The following SGCD variants were observed in gnomAD, a reference collection of about 807,000 sequenced individuals.
SGCD encodes the protein delta-sarcoglycan.
Under a neutral mutation model 36.6 loss-of-function variants are expected in SGCD, and 18 were observed. The observed-to-expected ratio is 0.49, with a 90% CI of 0.34 to 0.73. The LOEUF (loss-of-function observed/expected upper bound fraction) is 0.73, where lower values mean the gene tolerates loss of function less well. Among genes scored for constraint, SGCD ranks in the 30% least tolerant of loss-of-function variants. The probability of loss-of-function intolerance (pLI) is 0.01; values close to 1 mark genes in which losing one functional copy is unlikely to be tolerated. For missense variants in SGCD, 387 were observed against 346.7 expected (o/e 1.12, Z -0.92); for synonymous variants, 133 against 130.6 (o/e 1.02, Z -0.12).
At chr5:155,753,767 C>T in the SGCD span, among the ~76,000 whole-genome samples, 1 of 151,416 alleles carries the variant, frequency 6.6e-6, no homozygotes, top group Non-Finnish European at 1.5e-5. Flanking sequence ...GGATAGGGTT[C>T]CCAGGTGTGC....
At chr5:155,896,816 C>G (rs140063217) in intron 1 of SGCD, among the ~76,000 whole-genome samples, 7 of 152,268 alleles carry the variant, frequency 4.6e-5, no homozygotes, top group African/African-American at 1.4e-4. Flanking sequence ...GGGTCTTTCT[C>G]TCTACACATC....
In SGCD at chr5:155,896,524, T is replaced by C. The variant is rs185205880; in HGVS notation, c.-282+26100T>C. Among the ~76,000 whole-genome samples, 696 of 150,062 alleles carry C rather than the reference T, an allele frequency of 4.6e-3. 2 individuals are homozygous for C. The highest frequency in any genetic ancestry group is 6.4e-3 in the Non-Finnish European group (432 of 67,652). ...AGGCAGCCACGATGATGTGCGCTTA[T>C]AGTTCCAGCTACTTGGGAGGCTGAG... On this transcript the variant is annotated intron_variant, in intron 1 of 9. Transcript: ENST00000517913.
intron 3 of SGCD, among the ~76,000 whole-genome samples, chr5:156,456,068 C>A (rs116653815): frequency 6.6e-6 from 1 of 152,152 alleles, no homozygotes; most frequent in Non-Finnish European, 1.5e-5. Context: ...TTGTTTCGAG[C>A]TACCCAGTTT....
intron 1 of SGCD, among the ~76,000 whole-genome samples, chr5:155,905,650 C>T (rs1447400478): frequency 6.6e-6 from 1 of 152,126 alleles, no homozygotes; most frequent in African/African-American, 2.4e-5. Context: ...TTGTATCTCC[C>T]AGGATTCCCA....
chr5:155,790,149 T>C, the SGCD span, among the ~76,000 whole-genome samples: 1 of 152,102 alleles, frequency 6.6e-6, no homozygotes, highest in East Asian at 1.9e-4. Context: ...CTCATGTTTT[T>C]AGAATTAAGA....
chr5:155,794,869 G>A, the SGCD span, among the ~76,000 whole-genome samples: 2 of 152,032 alleles, frequency 1.3e-5, no homozygotes, highest in Admixed American at 6.6e-5. Flanking sequence ...ATAAAACTTA[G>A]CACATCATAG....
chr5:155,747,597 C>G, the SGCD span, among the ~76,000 whole-genome samples: 41,959 of 152,148 alleles, frequency 0.28, 7,358 homozygotes, highest in East Asian at 0.42. Flanking sequence ...TGCTCAAGAA[C>G]TGCCAGCTAC....
chr5:156,681,557 A>G (rs1753723191), intron 7 of SGCD, among the ~76,000 whole-genome samples: 1 of 152,192 alleles, frequency 6.6e-6, no homozygotes, highest in Admixed American at 6.5e-5. Flanking sequence ...GGTGGAGTTT[A>G]GCTGGGAGAA....
At chr5:156,344,448 G>A (rs200386436) in intron 2 of SGCD, 41 bp from the exon 3 acceptor site, 15 of 1,350,100 alleles carry the variant, frequency 1.1e-5, no homozygotes, top group East Asian at 5.3e-5. Flanking sequence ...TTCTCTCAGC[G>A]GTTTAATGTG....
chr5:156,268,305 T>G (rs1285146817), intron 3 of SGCD, among the ~76,000 whole-genome samples: 1 of 152,218 alleles, frequency 6.6e-6, no homozygotes, highest in Admixed American at 6.5e-5. Context: ...TTTGTGTGCA[T>G]GTGTCTTTAT....
chr5:156,267,208 A>T (rs1285087323), intron 3 of SGCD, among the ~76,000 whole-genome samples: 1 of 152,212 alleles, frequency 6.6e-6, no homozygotes, highest in Admixed American at 6.5e-5. Flanking sequence ...TTAATAAGCG[A>T]TAGTTTCCAC....
At chr5:156,295,510 T>G (rs1456955299) in intron 3 of SGCD, among the ~76,000 whole-genome samples, 1 of 152,184 alleles carries the variant, frequency 6.6e-6, no homozygotes, top group Non-Finnish European at 1.5e-5. Context: ...TGGGTTTCCT[T>G]TATTCTCTTT....
At chr5:155,961,259 CTTATG>C (rs1185251868) in intron 1 of SGCD, among the ~76,000 whole-genome samples, 3 of 152,046 alleles carry the variant, frequency 2.0e-5, no homozygotes, top group Non-Finnish European at 2.9e-5. Flanking sequence ...TACTTTAAAA[CTTATG>C]TTAGTTTTAG....
chr5:156,562,383 G>T (rs1476567350), intron 4 of SGCD, among the ~76,000 whole-genome samples: 1 of 151,940 alleles, frequency 6.6e-6, no homozygotes, highest in Non-Finnish European at 1.5e-5. Context: ...CAAAATGAGG[G>T]TATTTCCTGG....
chr5:156,583,992 T>C (rs1384972452), intron 4 of SGCD, among the ~76,000 whole-genome samples: 1 of 152,112 alleles, frequency 6.6e-6, no homozygotes, highest in Non-Finnish European at 1.5e-5. Context: ...AGAAAATATA[T>C]AGAATGAACT....
At chr5:155,758,173 T>A in the SGCD span, among the ~76,000 whole-genome samples, 1 of 152,016 alleles carries the variant, frequency 6.6e-6, no homozygotes, top group Non-Finnish European at 1.5e-5. Flanking sequence ...TGAATTGAAG[T>A]TTCCCATGTT....
the SGCD span, among the ~76,000 whole-genome samples, chr5:155,735,865 G>A: frequency 6.6e-6 from 1 of 152,172 alleles, no homozygotes; most frequent in Non-Finnish European, 1.5e-5. Flanking sequence ...AATGTGTCTG[G>A]AGTAGGATCC....
chr5:156,420,224 A>AAACTTAC (rs1561683414), intron 3 of SGCD, among the ~76,000 whole-genome samples: 3 of 152,144 alleles, frequency 2.0e-5, no homozygotes, highest in Admixed American at 6.6e-5. Context: ...TAGAACACTG[A>AAACTTAC]TGGAGCTCTC....
intron 1 of SGCD, among the ~76,000 whole-genome samples, chr5:156,034,878 A>G (rs753967063): frequency 6.6e-6 from 1 of 152,198 alleles, no homozygotes; most frequent in African/African-American, 2.4e-5. Context: ...TCCAATGAAA[A>G]CTACTTTAGT....
Sources: allele counts gnomAD v4.1 joint callset (sites outside exome capture counted in the v4.1 genomes callset), GRCh38; gene constraint gnomAD v4.1.1; transcripts MANE v1.5; gene names NCBI Gene and HGNC (gene_info 2026-07-23, HGNC 2026-07-21).